The following MEIKIN variants were observed in gnomAD, a reference collection of about 807,000 sequenced individuals.
MEIKIN encodes the protein meiotic kinetochore factor, also known as meiosis-specific kinetochore protein.
At chr5:131,850,288 C>T (rs1029191739) in intron 11 of MEIKIN, among the ~76,000 whole-genome samples, 1 of 152,112 alleles carries the variant, frequency 6.6e-6, no homozygotes, top group Non-Finnish European at 1.5e-5. Flanking sequence ...CATTCAATCT[C>T]TATCAAAACC....
intron 8 of MEIKIN, among the ~76,000 whole-genome samples, chr5:131,897,013 G>A (rs1245939624): frequency 1.3e-5 from 2 of 152,192 alleles, no homozygotes; most frequent in Non-Finnish European, 2.9e-5. Flanking sequence ...TTTTGCAGTG[G>A]CTGGTAGCAA....
At position 131,931,777 on chromosome 5, in the gene MEIKIN, G is replaced by A. The variant is rs528838144; in HGVS notation, c.478+1736C>T. Among the ~76,000 whole-genome samples, 6 of 152,326 alleles carry A rather than the reference G, an allele frequency of 3.9e-5. No homozygotes were observed. The East Asian group carries it at 1.2e-3, about 29-fold the overall frequency. ...TGCTGTTGAATTGGTGTGTCCATAA[G>A]GAGTAGGCAGATCCATGGCTTCCTG... On this transcript the variant is annotated intron_variant, in intron 5 of 12. Transcript: ENST00000442687.
chr5:131,835,714 C>T (rs751893128), intron 11 of MEIKIN, among the ~76,000 whole-genome samples: 4 of 152,214 alleles, frequency 2.6e-5, no homozygotes, highest in Non-Finnish European at 5.9e-5. Flanking sequence ...CTGCCTCAGC[C>T]TCCTGAGTAG....
intron 8 of MEIKIN, among the ~76,000 whole-genome samples, chr5:131,889,008 A>T (rs1750856723): frequency 6.6e-6 from 1 of 152,226 alleles, no homozygotes; most frequent in African/African-American, 2.4e-5. Flanking sequence ...TTTGTCAAAC[A>T]TCAGATAGTT....
At chr5:131,905,155 T>A (rs1014303212) in intron 8 of MEIKIN, among the ~76,000 whole-genome samples, 3 of 152,056 alleles carry the variant, frequency 2.0e-5, no homozygotes, top group Middle Eastern at 3.4e-3. Flanking sequence ...AAAAACCCCA[T>A]ACAATTAAAT....
At chr5:131,876,620 A>G (rs1306007101) in intron 9 of MEIKIN, among the ~76,000 whole-genome samples, 1 of 148,766 alleles carries the variant, frequency 6.7e-6, no homozygotes, top group East Asian at 2.0e-4. Flanking sequence ...TAGAAATACC[A>G]TTTGACCCAG....
At chr5:131,890,174 G>A (rs1442331405) in intron 8 of MEIKIN, among the ~76,000 whole-genome samples, 1 of 152,116 alleles carries the variant, frequency 6.6e-6, no homozygotes, top group Admixed American at 6.5e-5. Flanking sequence ...TTTTTGTTGT[G>A]TCTCTGCCAG....
intron 8 of MEIKIN, among the ~76,000 whole-genome samples, chr5:131,896,746 C>T (rs1290011521): frequency 6.6e-6 from 1 of 152,142 alleles, no homozygotes; most frequent in Non-Finnish European, 1.5e-5. Flanking sequence ...ATATCTTCCT[C>T]CATCCCTTTA....
At chr5:131,945,355 A>C in intron 1 of MEIKIN, 45 bp downstream of exon 1, 1 of 398,972 alleles carries the variant, frequency 2.5e-6, no homozygotes, top group Non-Finnish European at 4.4e-6. Flanking sequence ...CCCGTCCCGG[A>C]GGCAGCTCGG....
At chr5:131,942,944 T>C (rs1393585434) in intron 3 of MEIKIN, among the ~76,000 whole-genome samples, 2 of 152,130 alleles carry the variant, frequency 1.3e-5, no homozygotes, top group African/African-American at 4.8e-5. Context: ...AAGTAACTAC[T>C]GTGGGATGAC....
rs984618005 is a variant in MEIKIN at position 131,907,872 on chromosome 5, AAAATAAAT to A, written c.703+3935_703+3942del. On this transcript the variant is annotated intron_variant, in intron 8 of 12. Transcript: ENST00000442687. The stretch of plus-strand genomic sequence containing the variant: ...GGGCAACAGAGTGAGACTCCGTCTC[AAAATAAAT>A]AAATAAATAAATCCAAAACCTGAAC... Among the ~76,000 whole-genome samples the A allele has an allele frequency of 4.6e-5, 7 of 152,222 alleles. No homozygotes were observed. The South Asian group carries it at 1.5e-3, about 32-fold the overall frequency.
At chr5:131,906,879 G>A (rs986230762) in intron 8 of MEIKIN, among the ~76,000 whole-genome samples, 3 of 152,034 alleles carry the variant, frequency 2.0e-5, no homozygotes, top group South Asian at 2.1e-4. Flanking sequence ...TGAGAGGAGG[G>A]TGACTATTGA....
chr5:131,895,639 T>G (rs573357998), intron 8 of MEIKIN, among the ~76,000 whole-genome samples: 1 of 152,334 alleles, frequency 6.6e-6, no homozygotes, highest in South Asian at 2.1e-4. Context: ...GTCCAGGAAT[T>G]TATCCATTTC....
At chr5:131,812,948 CCAT>C (rs2149600690) in intron 12 of MEIKIN, among the ~76,000 whole-genome samples, 1 of 152,318 alleles carries the variant, frequency 6.6e-6, no homozygotes, top group African/African-American at 2.4e-5. Context: ...TAATCATAGG[CCAT>C]CAAGTTACCA....
Position 131,885,341 on chromosome 5 carries a change from AAGAGAGAGAGAGAGAGAGAGAG to A in MEIKIN, c.704-6315_704-6294del, listed in dbSNP as rs57363906. Among the ~76,000 whole-genome samples the A allele has an allele frequency of 2.4e-4, 15 of 61,976 alleles. No homozygotes were observed. In the East Asian group the frequency reaches 3.4e-3, roughly 14 times the overall value. 40.7% of individuals were successfully genotyped at this position (61,976 alleles called of 152,430 possible). A position where few individuals can be genotyped will look rare whatever the true frequency, so the allele number is the denominator to read the frequency against. On this transcript the variant is annotated intron_variant, in intron 8 of 12. Transcript: ENST00000442687. ...CCAGCTGCAGGCCACTCAGAACTGA[AAGAGAGAGAGAGAGAGAGAGAG>A]AGAGAGAGAGAGAGAGAGAGAGAGA...
At chr5:131,835,237 T>C (rs760130887) in intron 11 of MEIKIN, among the ~76,000 whole-genome samples, 5 of 150,888 alleles carry the variant, frequency 3.3e-5, no homozygotes, top group Non-Finnish European at 5.9e-5. Context: ...TATATATGTA[T>C]ATATGTGTAT....
chr5:131,871,846 C>G (rs187644368), intron 9 of MEIKIN, among the ~76,000 whole-genome samples: 1 of 152,126 alleles, frequency 6.6e-6, no homozygotes, highest in Non-Finnish European at 1.5e-5. Context: ...TCACCAATAT[C>G]CGATGTTCTG....
intron 8 of MEIKIN, among the ~76,000 whole-genome samples, chr5:131,894,709 T>G (rs1175591354): frequency 3.3e-5 from 5 of 152,196 alleles, no homozygotes; most frequent in African/African-American, 9.6e-5. Flanking sequence ...TTGTCTGTTA[T>G]TGGTGTATAG....
intron 11 of MEIKIN, among the ~76,000 whole-genome samples, chr5:131,847,125 G>C (rs1208070578): frequency 6.6e-6 from 1 of 151,960 alleles, no homozygotes; most frequent in Non-Finnish European, 1.5e-5. Flanking sequence ...AAAGAAGACA[G>C]TAATGTAGAA....
Sources: gnomAD v4.1 joint callset for allele counts (sites outside exome capture counted in the v4.1 genomes callset) on GRCh38, gnomAD v4.1.1 for gene constraint, MANE v1.5 for transcripts, NCBI Gene and HGNC (gene_info 2026-07-23, HGNC 2026-07-21) for gene names.